Variants in IRS1 observed in about 807,000 individuals in gnomAD.
IRS1 encodes the protein insulin receptor substrate 1.
Under a neutral mutation model 65.6 loss-of-function variants are expected in IRS1, and 34 were observed. The ratio of observed to expected loss-of-function variants is 0.52; its 90% CI spans 0.39 to 0.69. IRS1 has a LOEUF of 0.69. Ranked by LOEUF, IRS1 falls within the 30% of genes least tolerant of loss-of-function variation. The pLI, the probability that IRS1 is intolerant of heterozygous loss-of-function variation, is 0.00. For missense variants in IRS1, 1,641 were observed against 1,720.2 expected (o/e 0.95, Z 0.81); for synonymous variants, 699 against 683.5 (o/e 1.02, Z -0.35).
chr2:226,741,786 A>AATACAC (rs1553528259), intron 1 of IRS1, among the ~76,000 whole-genome samples: 1 of 138,460 alleles, frequency 7.2e-6, no homozygotes, highest in African/African-American at 2.7e-5. Flanking sequence ...GAGCCCAGTA[A>AATACAC]ACACACACAC....
intron 1 of IRS1, among the ~76,000 whole-genome samples, chr2:226,760,786 A>T (rs1238558806): frequency 6.6e-6 from 1 of 152,218 alleles, no homozygotes; most frequent in Admixed American, 6.5e-5. Flanking sequence ...TTGCTTTTTT[A>T]AAAAATTGAA....
At chr2:226,763,654 A>G (rs1282975613) in intron 1 of IRS1, among the ~76,000 whole-genome samples, 1 of 152,226 alleles carries the variant, frequency 6.6e-6, no homozygotes, top group Non-Finnish European at 1.5e-5. Context: ...TGGCCCAGGT[A>G]TCTACGTATT....
intron 1 of IRS1, among the ~76,000 whole-genome samples, chr2:226,741,632 C>T (rs944218067): frequency 1.3e-5 from 2 of 152,100 alleles, no homozygotes; most frequent in Admixed American, 6.6e-5. Context: ...ATACCCCTCC[C>T]TCCTACCACA....
In IRS1 at chr2:226,798,327, C is replaced by A. The variant is rs376142568; in HGVS notation, c.412G>T (p.Gly138Cys). The A allele has an allele frequency of 6.2e-7, 1 of 1,613,362 alleles. No homozygotes were observed. Among genetic ancestry groups the A allele is most frequent in the South Asian group, 1.1e-5 (1 of 91,086 alleles). The change falls in exon 1 of 2, where the codon GGC (glycine) becomes TGC (cysteine). Residue 138 changes from glycine (G) to cysteine (C), a missense_variant. Gly to Cys is a radical substitution (Grantham distance 159). Coordinates refer to ENST00000305123, the MANE Select transcript of IRS1 (RefSeq NM_005544.3). The surrounding 1 kb of genome is among the most constrained non-coding windows in gnomAD (Gnocchi z 9.4). ...GAGGGGGSCS[G>C]SSGLGEAGED... ...CCAGCCTCACCAAGGCCGGAGCTGCCGCTGCAGCTGCCCCCACCACCTCCC... is the reference window on the plus strand; with the variant it reads ...CCAGCCTCACCAAGGCCGGAGCTGCAGCTGCAGCTGCCCCCACCACCTCCC...
intron 1 of IRS1, among the ~76,000 whole-genome samples, chr2:226,792,985 G>A (rs1939639504): frequency 6.6e-6 from 1 of 152,140 alleles, no homozygotes; most frequent in Admixed American, 6.5e-5. Context: ...TGCAAAGCAT[G>A]GTCGATTGTT....
chr2:226,741,197 A>G (rs1284421819), intron 1 of IRS1, among the ~76,000 whole-genome samples: 4 of 152,168 alleles, frequency 2.6e-5, no homozygotes, highest in Non-Finnish European at 4.4e-5. Context: ...TCTAAGTAGG[A>G]AAGGAAAATA....
At position 226,795,006 on chromosome 2, in the gene IRS1, T is replaced by C; in HGVS notation, c.*4A>G. On this transcript the variant is annotated 3_prime_UTR_variant, in exon 1 of 2. Transcript: ENST00000305123. ...AAACGCACCTGCTGTGATGTCCAGT[T>C]GAGCTACTGACGGTCCTCTGGCTGC... The C allele has an allele frequency of 6.2e-7, 1 of 1,613,204 alleles. No homozygotes were observed. Among genetic ancestry groups the C allele is most frequent in the Non-Finnish European group, 8.5e-7 (1 of 1,179,966 alleles).
At position 226,741,232 on chromosome 2, in the gene IRS1, T is replaced by C. The variant is rs111951517; in HGVS notation, c.*22-4982A>G. ...ACTGTTTTAATCATACTTAGATCTT[T>C]CCCATTCTTAAAAATCCATGATGAG... On this transcript the variant is annotated intron_variant, in intron 1 of 1. Transcript: ENST00000305123. 2.4e-3 allele frequency among the ~76,000 whole-genome samples: 366 copies of C among 152,302 alleles called. 3 individuals are homozygous for C. Among genetic ancestry groups the C allele is most frequent in the African/African-American group, 8.3e-3 (347 of 41,574 alleles).
chr2:226,776,735 C>T (rs1310672572), intron 1 of IRS1, among the ~76,000 whole-genome samples: 2 of 152,076 alleles, frequency 1.3e-5, no homozygotes, highest in Admixed American at 6.6e-5. Flanking sequence ...GGTGAAACCC[C>T]GTCTCTACTA....
chr2:226,794,937 G>C lies in IRS1; in HGVS notation c.*21+52C>G. 2 of 1,491,828 alleles carry C rather than the reference G, an allele frequency of 1.3e-6. No homozygotes were observed. The highest frequency in any genetic ancestry group is 2.3e-5 in the South Asian group (2 of 88,464). The allele number at this position is 1,491,828 out of a possible 1,614,324, so 92.4% of individuals were successfully genotyped here. On this transcript the variant is annotated intron_variant, in intron 1 of 1. Transcript: ENST00000305123. This position sits in a 1 kb window ranked among gnomAD's most constrained non-coding sequence, Gnocchi z 4.1. ...GGCAGAGGCGAAGAACAGAATTCAA[G>C]GACAAGGTTAAAAGCAGTTTTGTCT...
At chr2:226,781,717 T>G (rs1338784061) in intron 1 of IRS1, among the ~76,000 whole-genome samples, 1 of 152,164 alleles carries the variant, frequency 6.6e-6, no homozygotes, top group Non-Finnish European at 1.5e-5. Flanking sequence ...AACAAGCCTG[T>G]ACACTTTCTG....
intron 1 of IRS1, among the ~76,000 whole-genome samples, chr2:226,779,377 T>C (rs1029161510): frequency 2.0e-5 from 3 of 152,364 alleles, no homozygotes; most frequent in Non-Finnish European, 1.5e-5. Flanking sequence ...TAAAATCCTA[T>C]GGTCCAACAT....
In IRS1 at chr2:226,795,426, A is replaced by G. The variant is rs112432659; in HGVS notation, c.3313T>C (p.Ser1105Pro). The G allele has an allele frequency of 1.5e-5, 25 of 1,613,496 alleles. No individual in the cohort carries two copies. Among genetic ancestry groups the G allele is most frequent in the Non-Finnish European group, 2.1e-5 (25 of 1,179,998 alleles). The change falls in exon 1 of 2, where the codon TCC (serine) becomes CCC (proline). Residue 1105 changes from serine (S) to proline (P), a missense_variant. Transcript: ENST00000305123. ...ACCCGGGTGGCACTGGGTGTTGAGG[A>G]GAAAGTCTCGGAGCTATGCCTCCGC... ...CRRRHSSETF[S>P]STPSATRVGN...
At chr2:226,773,691 C>T (rs911824648) in intron 1 of IRS1, among the ~76,000 whole-genome samples, 3 of 151,882 alleles carry the variant, frequency 2.0e-5, no homozygotes, top group African/African-American at 7.3e-5. Context: ...CATCTCGGTC[C>T]TTAAACAAAA....
In IRS1 at chr2:226,795,387, G is replaced by A; in HGVS notation, c.3352C>T (p.Pro1118Ser). 6.2e-7 allele frequency: 1 copy of A among 1,613,296 alleles called. No homozygotes were observed. Among genetic ancestry groups the A allele is most frequent in the Non-Finnish European group, 8.5e-7 (1 of 1,179,984 alleles). The change falls in exon 1 of 2, where the codon CCC (proline) becomes TCC (serine). Residue 1118 changes from proline (P) to serine (S), a missense_variant. Transcript: ENST00000305123. The stretch of plus-strand genomic sequence containing the variant: ...CCTACTGCTGCCCCCGCTCCAAAGG[G>A]CACTGTGTTGCCCACCCGGGTGGCA... ...PSATRVGNTV[P>S]FGAGAAVGGG...
chr2:226,789,851 G>T (rs540140074), intron 1 of IRS1, among the ~76,000 whole-genome samples: 2 of 152,180 alleles, frequency 1.3e-5, no homozygotes, highest in African/African-American at 4.8e-5. Flanking sequence ...TAGGCTGGTC[G>T]ATCAGGAGGG....
chr2:226,765,612 C>G (rs1008802793), intron 1 of IRS1, among the ~76,000 whole-genome samples: 1 of 152,144 alleles, frequency 6.6e-6, no homozygotes, highest in Non-Finnish European at 1.5e-5. Flanking sequence ...ATCCATGGAG[C>G]TTTTCCACCT....
At chr2:226,751,355 C>T (rs1055158507) in intron 1 of IRS1, among the ~76,000 whole-genome samples, 1 of 140,736 alleles carries the variant, frequency 7.1e-6, no homozygotes, top group African/African-American at 2.7e-5. Flanking sequence ...GCAATCTCGG[C>T]TCACTGCAAG....
intron 1 of IRS1, among the ~76,000 whole-genome samples, chr2:226,786,825 G>C (rs1939498611): frequency 6.8e-6 from 1 of 146,932 alleles, no homozygotes; most frequent in Non-Finnish European, 1.5e-5. Flanking sequence ...GTTTCTGTAA[G>C]AGACTACCAC....
Sources: allele counts gnomAD v4.1 joint callset (sites outside exome capture counted in the v4.1 genomes callset), GRCh38; gene constraint gnomAD v4.1.1; non-coding constraint Gnocchi (gnomAD v3.1); transcripts MANE v1.5; gene names NCBI Gene and HGNC (gene_info 2026-07-23, HGNC 2026-07-21).